COBL: variants seen among roughly 807,000 people sequenced by gnomAD.
COBL encodes protein cordon-bleu.
Under a neutral mutation model 98.8 loss-of-function variants are expected in COBL, and 51 were observed. The ratio of observed to expected loss-of-function variants is 0.52; its 90% confidence interval spans 0.41 to 0.65. The LOEUF (loss-of-function observed/expected upper bound fraction) is 0.65, where lower values mean the gene tolerates loss of function less well. Ranked by LOEUF, COBL falls within the 30% of genes least tolerant of loss-of-function variation. The pLI, the probability that COBL is intolerant of heterozygous loss-of-function variation, is 0.00. For missense variants in COBL, 1,617 were observed against 1,617.5 expected, an observed-to-expected ratio of 1.00 and a Z score of 0.01; for synonymous variants, 634 against 651.7, an observed-to-expected ratio of 0.97 and a Z score of 0.41.
chr7:51,290,534 C>T (rs1800799189), intron 1 of COBL, among the ~76,000 whole-genome samples: 1 of 152,142 alleles, frequency 6.6e-6, no homozygotes, highest in African/African-American at 2.4e-5. Flanking sequence ...TAAATAAACA[C>T]AGATATCAGA....
intron 6 of COBL, among the ~76,000 whole-genome samples, chr7:51,123,181 A>T (rs1280413572): frequency 6.6e-6 from 1 of 152,244 alleles, no homozygotes; most frequent in African/African-American, 2.4e-5. Flanking sequence ...AAGCATCTCA[A>T]AAAACAGGCA....
intron 1 of COBL, among the ~76,000 whole-genome samples, chr7:51,242,356 G>A (rs143646495): frequency 2.2e-3 from 334 of 152,328 alleles, no homozygotes; most frequent in Admixed American, 3.5e-3. Context: ...CTCCAACCCT[G>A]TGGAATGTAC....
chr7:51,089,454 G>GCA (rs1794598772), intron 6 of COBL, among the ~76,000 whole-genome samples: 1 of 152,124 alleles, frequency 6.6e-6, no homozygotes, highest in African/African-American at 2.4e-5. Context: ...GATGGAGGTT[G>GCA]CAGTGAGCCG....
At position 51,116,148 on chromosome 7, in the gene COBL, C is replaced by G. The variant is rs574270608; in HGVS notation, c.957+20010G>C. Among the ~76,000 whole-genome samples the G allele has an allele frequency of 2.0e-5, 3 of 152,166 alleles. No homozygotes were observed. The South Asian group carries it at 6.2e-4, about 32-fold the overall frequency. On this transcript the variant is annotated intron_variant, in intron 6 of 12. Transcript: ENST00000265136. ...ACATTCTTATCCATTCTGACAATCTCTACCTTTTAACTGGAGTGTTTAGTC... is the reference window on the plus strand; with the variant it reads ...ACATTCTTATCCATTCTGACAATCTGTACCTTTTAACTGGAGTGTTTAGTC...
chr7:51,243,739 T>G (rs1394833481), intron 1 of COBL, among the ~76,000 whole-genome samples: 1 of 151,864 alleles, frequency 6.6e-6, no homozygotes, highest in African/African-American at 2.4e-5. Flanking sequence ...ATTGTCGGAG[T>G]TGGGGACGGC....
At chr7:51,105,179 C>T (rs114052826) in intron 6 of COBL, among the ~76,000 whole-genome samples, 2,310 of 152,038 alleles carry the variant, frequency 0.015, 65 homozygotes, top group African/African-American at 0.053. Flanking sequence ...GCCTACAAGA[C>T]GCCCGATCTT....
At chr7:51,069,082 C>A (rs1475684405) in intron 7 of COBL, among the ~76,000 whole-genome samples, 1 of 152,168 alleles carries the variant, frequency 6.6e-6, no homozygotes, top group African/African-American at 2.4e-5. Context: ...AGCCAGCAGA[C>A]ATGAAAGGTA....
chr7:51,290,906 G>GC (rs1291231118), intron 1 of COBL, among the ~76,000 whole-genome samples: 2 of 152,030 alleles, frequency 1.3e-5, no homozygotes, highest in Non-Finnish European at 2.9e-5. Context: ...GTCTGCCATA[G>GC]CAACACCACA....
At chr7:51,048,864 A>G (rs1789973379) in intron 7 of COBL, among the ~76,000 whole-genome samples, 1 of 152,232 alleles carries the variant, frequency 6.6e-6, no homozygotes, top group Non-Finnish European at 1.5e-5. Context: ...TAAGTGAGTG[A>G]GGCTTTTTCA....
chr7:51,294,826 T>C (rs185656373), intron 1 of COBL, among the ~76,000 whole-genome samples: 62 of 152,258 alleles, frequency 4.1e-4, no homozygotes, highest in Non-Finnish European at 6.5e-4. Flanking sequence ...GCTCCATTTA[T>C]ATAGAATTTA....
chr7:51,233,322 G>C (rs1794939874), intron 1 of COBL, among the ~76,000 whole-genome samples: 1 of 152,142 alleles, frequency 6.6e-6, no homozygotes, highest in African/African-American at 2.4e-5. Flanking sequence ...GGCAAGAAAA[G>C]TCAACAGAAC....
chr7:51,303,116 C>T (rs1802135385), intron 1 of COBL, among the ~76,000 whole-genome samples: 1 of 152,190 alleles, frequency 6.6e-6, no homozygotes, highest in Admixed American at 6.5e-5. Context: ...TTCCCCGAGC[C>T]TCATGACAAA....
At chr7:51,114,054 A>G (rs1797064200) in intron 6 of COBL, among the ~76,000 whole-genome samples, 1 of 152,238 alleles carries the variant, frequency 6.6e-6, no homozygotes, top group Admixed American at 6.5e-5. Context: ...AACACTCTGA[A>G]CTGCTGTGAA....
chr7:51,228,544 T>G (rs1794423240), intron 1 of COBL, among the ~76,000 whole-genome samples: 1 of 152,152 alleles, frequency 6.6e-6, no homozygotes, highest in South Asian at 2.1e-4. Flanking sequence ...TTCACAGTTT[T>G]GACCTGGGGG....
At chr7:51,174,829 G>A (rs1453127037) in intron 5 of COBL, among the ~76,000 whole-genome samples, 1 of 152,168 alleles carries the variant, frequency 6.6e-6, no homozygotes, top group African/African-American at 2.4e-5. Context: ...TGTGTCCTAG[G>A]CAGTGAGGCT....
intron 1 of COBL, among the ~76,000 whole-genome samples, chr7:51,304,535 C>A (rs1396224999): frequency 6.6e-6 from 1 of 152,198 alleles, no homozygotes; most frequent in Admixed American, 6.5e-5. Flanking sequence ...AGTTTCCTAT[C>A]AAGGTGGCAT....
intron 1 of COBL, among the ~76,000 whole-genome samples, chr7:51,250,905 C>T (rs535316306): frequency 1.8e-4 from 28 of 152,228 alleles, no homozygotes; most frequent in African/African-American, 6.7e-4. Flanking sequence ...GGGGCCTCAG[C>T]CACATCAAAG....
intron 11 of COBL, among the ~76,000 whole-genome samples, chr7:51,025,690 T>C (rs1787482720): frequency 6.6e-6 from 1 of 152,232 alleles, no homozygotes; most frequent in Non-Finnish European, 1.5e-5. Flanking sequence ...AATAAAATTC[T>C]GTCATTTACA....
intron 6 of COBL, among the ~76,000 whole-genome samples, chr7:51,111,233 T>C (rs904015254): frequency 6.6e-6 from 1 of 152,238 alleles, no homozygotes; most frequent in African/African-American, 2.4e-5. Flanking sequence ...ATTTAGGTTT[T>C]TGAGGAACCC....
Sources: gnomAD v4.1 joint callset for allele counts (sites outside exome capture counted in the v4.1 genomes callset) on GRCh38, gnomAD v4.1.1 for gene constraint, MANE v1.5 for transcripts, NCBI Gene and HGNC (gene_info 2026-07-23, HGNC 2026-07-21) for gene names.